The following GPM6A variants were observed in gnomAD, a reference collection of about 807,000 sequenced individuals.
GPM6A encodes neuronal membrane glycoprotein M6-a.
Under a neutral mutation model 32.1 loss-of-function variants are expected in GPM6A, and 7 were observed. That is an observed-to-expected ratio of 0.22 (90% CI 0.12 to 0.41). GPM6A has a LOEUF of 0.41. Ranked by LOEUF, GPM6A falls within the 10% of genes least tolerant of loss-of-function variation. The pLI, the probability that GPM6A is intolerant of heterozygous loss-of-function variation, is 1.00. For synonymous variants in GPM6A, 130 were observed against 123.4 expected (o/e 1.05, Z -0.35); for missense variants, 235 against 347.2 (o/e 0.68, Z 2.57).
At chr4:175,962,377 G>A in intron 1 of GPM6A, 2 of 752,464 alleles carry the variant, frequency 2.7e-6, no homozygotes, top group South Asian at 1.3e-5. Context: ...CTGTTGCTGA[G>A]AGACCACTCC....
intron 1 of GPM6A, among the ~76,000 whole-genome samples, chr4:175,879,872 C>T (rs1460903192): frequency 6.6e-6 from 1 of 151,948 alleles, no homozygotes; most frequent in Non-Finnish European, 1.5e-5. Flanking sequence ...TGAAAAAGCC[C>T]ATTTAAACAC....
chr4:175,826,315 C>G lies in GPM6A; in HGVS notation c.-22-14066G>C, dbSNP rs530119886. ...TCTCTCTCTCTCTCTCCCCCTCCTC[C>G]CCTGCTCAGTGGCGTACACGTGTGT... On this transcript the variant is annotated intron_variant, in intron 1 of 7. Transcript: ENST00000280187. Among the ~76,000 whole-genome samples, 3 of 147,648 alleles carry G rather than the reference C, an allele frequency of 2.0e-5. No individual in the cohort carries two copies. In the South Asian group the frequency reaches 6.4e-4, roughly 31 times the overall value.
chr4:175,650,607 A>G (rs974625331), intron 4 of GPM6A, among the ~76,000 whole-genome samples: 11 of 151,990 alleles, frequency 7.2e-5, no homozygotes, highest in African/African-American at 2.7e-4. Flanking sequence ...GCCCCACCTG[A>G]TTTCATTATT....
chr4:175,812,386 T>C, upstream of GPM6A: 1 of 1,339,968 alleles, frequency 7.5e-7, no homozygotes, highest in Non-Finnish European at 9.5e-7. Flanking sequence ...CCTCAGAGCT[T>C]AGCTCAGGCT....
At chr4:175,699,650 G>GT (rs1367979714) in intron 2 of GPM6A, among the ~76,000 whole-genome samples, 7 of 152,078 alleles carry the variant, frequency 4.6e-5, no homozygotes, top group African/African-American at 7.2e-5. Context: ...CCATGTATGT[G>GT]TGGGGGGTGG....
chr4:175,636,930 A>G (rs1740653384), intron 6 of GPM6A, among the ~76,000 whole-genome samples: 1 of 134,136 alleles, frequency 7.5e-6, no homozygotes, highest in African/African-American at 2.9e-5. Context: ...TCAGTATTTC[A>G]CTCATGCATA....
At chr4:175,765,677 T>G (rs1051978621) in intron 1 of GPM6A, among the ~76,000 whole-genome samples, 10 of 152,212 alleles carry the variant, frequency 6.6e-5, no homozygotes, top group African/African-American at 2.4e-4. Flanking sequence ...TTGTTTCAAA[T>G]CTTTTAGAGA....
At chr4:175,799,549 G>A (rs1734377646) in intron 1 of GPM6A, among the ~76,000 whole-genome samples, 1 of 152,046 alleles carries the variant, frequency 6.6e-6, no homozygotes, top group African/African-American at 2.4e-5. Flanking sequence ...AGGCACGGAA[G>A]TAGTATTGCT....
chr4:175,712,857 G>T (rs896014168), intron 1 of GPM6A, among the ~76,000 whole-genome samples: 7 of 152,196 alleles, frequency 4.6e-5, no homozygotes, highest in African/African-American at 1.7e-4. Context: ...CTATATACCA[G>T]TGAGAAATAA....
intron 1 of GPM6A, among the ~76,000 whole-genome samples, chr4:175,779,914 A>G (rs1452913739): frequency 6.6e-6 from 1 of 152,166 alleles, no homozygotes; most frequent in East Asian, 1.9e-4. Flanking sequence ...AGAGAAGATA[A>G]TACACATGTA....
At chr4:175,730,318 C>T (rs1184457060) in intron 1 of GPM6A, among the ~76,000 whole-genome samples, 2 of 152,160 alleles carry the variant, frequency 1.3e-5, no homozygotes, top group Admixed American at 6.5e-5. Flanking sequence ...TCTCAGCTCC[C>T]TGCCACCTCT....
chr4:175,907,018 C>T (rs147705948), intron 1 of GPM6A: 62 of 152,234 alleles, frequency 4.1e-4, no homozygotes, highest in African/African-American at 1.5e-3. Flanking sequence ...AGCATTTCTC[C>T]TTAAAACTCA....
At chr4:175,985,037 T>C (rs1227503682) in intron 1 of GPM6A, among the ~76,000 whole-genome samples, 1 of 152,224 alleles carries the variant, frequency 6.6e-6, no homozygotes, top group African/African-American at 2.4e-5. Context: ...AAGGCTTAAT[T>C]CTCCCACCTT....
At chr4:175,973,005 T>A (rs771082388) in intron 1 of GPM6A, among the ~76,000 whole-genome samples, 12 of 152,150 alleles carry the variant, frequency 7.9e-5, no homozygotes, top group Admixed American at 2.0e-4. Flanking sequence ...ATTGATAATC[T>A]CACAATGCTA....
At chr4:175,849,981 T>TA (rs1736202525) in intron 1 of GPM6A, among the ~76,000 whole-genome samples, 1 of 152,118 alleles carries the variant, frequency 6.6e-6, no homozygotes, top group Admixed American at 6.6e-5. Context: ...GAATAGTGAC[T>TA]TGTTGAGTAT....
chr4:175,990,459 T>A (rs1440918708), intron 1 of GPM6A, among the ~76,000 whole-genome samples: 1 of 152,210 alleles, frequency 6.6e-6, no homozygotes, highest in Non-Finnish European at 1.5e-5. Flanking sequence ...CAAGTTTTTA[T>A]CTCCAATGAA....
At chr4:175,851,653 C>G (rs886146229) in intron 1 of GPM6A, among the ~76,000 whole-genome samples, 1 of 152,110 alleles carries the variant, frequency 6.6e-6, no homozygotes, top group Admixed American at 6.6e-5. Context: ...GAGGAGAAAG[C>G]CTGTCAATCT....
intron 1 of GPM6A, among the ~76,000 whole-genome samples, chr4:175,796,225 T>G (rs1393055012): frequency 3.9e-5 from 6 of 152,166 alleles, no homozygotes; most frequent in Non-Finnish European, 5.9e-5. Context: ...TCTACTTATC[T>G]TTTATCAATA....
At chr4:175,831,217 G>GA (rs986624111) in intron 1 of GPM6A, among the ~76,000 whole-genome samples, 4 of 151,548 alleles carry the variant, frequency 2.6e-5, no homozygotes, top group East Asian at 1.9e-4. Flanking sequence ...TCACTGGATA[G>GA]AAAAAAAAGA....
Sources: allele counts gnomAD v4.1 joint callset (sites outside exome capture counted in the v4.1 genomes callset), GRCh38; gene constraint gnomAD v4.1.1; transcripts MANE v1.5; gene names NCBI Gene and HGNC (gene_info 2026-07-23, HGNC 2026-07-21).